The following SIMC1 variants were observed in gnomAD, a reference collection of about 807,000 sequenced individuals.
SIMC1 encodes SUMO interacting motifs containing 1.
SIMC1 carries 55 observed loss-of-function variants against 82.3 expected under a neutral mutation model. That is an observed-to-expected ratio of 0.67 (90% CI 0.54 to 0.84). The LOEUF is 0.84. Ranked by LOEUF, SIMC1 falls within the 40% of genes least tolerant of loss-of-function variation. SIMC1 has a pLI of 0.00. For synonymous variants in SIMC1, 353 were observed against 426.3 expected (o/e 0.83, Z 2.12); for missense variants, 915 against 1,107.2 (o/e 0.83, Z 2.46).
At chr5:176,272,876 G>A (rs1250232773) in intron 1 of SIMC1, among the ~76,000 whole-genome samples, 10 of 152,218 alleles carry the variant, frequency 6.6e-5, no homozygotes, top group South Asian at 2.1e-4. Context: ...AGGTGCCAGC[G>A]AGGCTTGGGG....
At chr5:176,304,932 A>G in intron 4 of SIMC1, among the ~76,000 whole-genome samples, 1 of 118,784 alleles carries the variant, frequency 8.4e-6, no homozygotes, top group Non-Finnish European at 1.8e-5. Context: ...CTGAGAAGTG[A>G]GGAGACCCTC....
chr5:176,282,647 G>A (rs576161611), intron 1 of SIMC1, among the ~76,000 whole-genome samples: 67 of 152,292 alleles, frequency 4.4e-4, no homozygotes, highest in African/African-American at 1.4e-3. Flanking sequence ...GCAGCTCCTC[G>A]CCAGCAACAG....
chr5:176,282,798 A>C (rs997655258), intron 1 of SIMC1, among the ~76,000 whole-genome samples: 5 of 152,256 alleles, frequency 3.3e-5, no homozygotes, highest in Non-Finnish European at 7.3e-5. Flanking sequence ...CGAATGGCTA[A>C]CTACAATAAC....
chr5:176,292,837 G>C (rs968243867), intron 2 of SIMC1, among the ~76,000 whole-genome samples: 2 of 152,092 alleles, frequency 1.3e-5, no homozygotes, highest in African/African-American at 4.8e-5. Context: ...CACCGCGCCC[G>C]GCCCAGACAG....
At chr5:176,261,903 A>G (rs1377968800) in intron 1 of SIMC1, among the ~76,000 whole-genome samples, 3 of 152,226 alleles carry the variant, frequency 2.0e-5, no homozygotes, top group African/African-American at 7.2e-5. Flanking sequence ...ATATTTAAGG[A>G]AGAAATGATA....
At chr5:176,266,053 G>C (rs559781448) in intron 1 of SIMC1, among the ~76,000 whole-genome samples, 1 of 152,300 alleles carries the variant, frequency 6.6e-6, no homozygotes, top group South Asian at 2.1e-4. Context: ...GAGCAATGCA[G>C]TTGGATTCTA....
chr5:176,244,461 A>AT (rs755184563), intron 1 of SIMC1, among the ~76,000 whole-genome samples: 14 of 150,434 alleles, frequency 9.3e-5, no homozygotes, highest in Non-Finnish European at 1.8e-4. Context: ...TAGTGAAGTC[A>AT]TTGACCTGGA....
chr5:176,328,136 A>G (rs1337380426), intron 7 of SIMC1, among the ~76,000 whole-genome samples: 1 of 152,206 alleles, frequency 6.6e-6, no homozygotes, highest in Non-Finnish European at 1.5e-5. Flanking sequence ...TCCTGACCTC[A>G]GATGATCTGC....
intron 9 of SIMC1, among the ~76,000 whole-genome samples, chr5:176,341,865 C>A (rs141153954): frequency 6.6e-5 from 10 of 152,258 alleles, no homozygotes; most frequent in African/African-American, 1.7e-4. Context: ...ATGGCTCAAA[C>A]CCTTTTCAAT....
In SIMC1 at chr5:176,246,655, G is replaced by A. The variant is rs577798306; in HGVS notation, c.129+8018G>A. ...CTTTAAGTTCTGGGATACATGTGCA[G>A]AACGTGCAGGTTTGTTACATAGGTA... On this transcript the variant is annotated intron_variant, in intron 1 of 9. Transcript: ENST00000429602. 2.0e-5 allele frequency among the ~76,000 whole-genome samples: 3 copies of A among 151,984 alleles called. No individual in the cohort carries two copies. In the South Asian group the frequency reaches 6.2e-4, roughly 32 times the overall value.
At chr5:176,280,911 G>A (rs1447230964) in intron 1 of SIMC1, among the ~76,000 whole-genome samples, 2 of 151,942 alleles carry the variant, frequency 1.3e-5, no homozygotes, top group Non-Finnish European at 2.9e-5. Context: ...TATGTGTCTT[G>A]GAATTGCTCT....
chr5:176,276,573 A>G (rs911301701), intron 1 of SIMC1, among the ~76,000 whole-genome samples: 3 of 145,220 alleles, frequency 2.1e-5, no homozygotes, highest in Admixed American at 6.9e-5. Context: ...CATTAGGTAT[A>G]TCTCCCAATG....
chr5:176,270,715 GC>G (rs1468462027), intron 1 of SIMC1, among the ~76,000 whole-genome samples: 2 of 152,194 alleles, frequency 1.3e-5, no homozygotes, highest in Admixed American at 6.5e-5. Context: ...ACTCACTGCA[GC>G]CCTGTCACAG....
At chr5:176,330,181 A>G (rs1179978492) in intron 7 of SIMC1, among the ~76,000 whole-genome samples, 1 of 152,118 alleles carries the variant, frequency 6.6e-6, no homozygotes, top group East Asian at 1.9e-4. Context: ...TGGGCAGGTC[A>G]CTTGAGGTCA....
rs57262987 is a variant in SIMC1, at chr5:176,246,407, GGTGTGTGTGT to G, written c.129+7803_129+7812del. ...CAATCAGCTTGTATAATAGTTCAGG[GGTGTGTGTGT>G]GTGTGTGTGTGTGTGTGTGTGTGTG... is the stretch of plus-strand genomic sequence containing the variant. On this transcript the variant is annotated intron_variant, in intron 1 of 9. Coordinates refer to ENST00000429602, the MANE Select transcript of SIMC1 (RefSeq NM_001308195.2). 7.6e-3 allele frequency among the ~76,000 whole-genome samples: 1,038 copies of G among 137,048 alleles called. 8 individuals are homozygous for G. Among genetic ancestry groups the G allele is most frequent in the African/African-American group, 0.026 (954 of 36,748 alleles). 89.9% of individuals were successfully genotyped at this position (137,048 alleles called of 152,430 possible).
At chr5:176,343,124 C>T (rs937137397) in intron 9 of SIMC1, among the ~76,000 whole-genome samples, 1 of 152,168 alleles carries the variant, frequency 6.6e-6, no homozygotes, top group African/African-American at 2.4e-5. Context: ...TTTTGCTTTT[C>T]CATCATTTTA....
At position 176,295,012 on chromosome 5, in the gene SIMC1, T is replaced by C. The variant is rs770230817; in HGVS notation, c.1432-18T>C. The C allele has an allele frequency of 6.3e-7, 1 of 1,591,800 alleles. No homozygotes were observed. The highest frequency in any genetic ancestry group is 8.5e-7 in the Non-Finnish European group (1 of 1,173,966). Reference sequence around the variant, plus strand: ...GAAAAGAAATCCCTCCTAATTTCCTTCTTTTTAATCTCTACAGAACAAGGG... The same window carrying C: ...GAAAAGAAATCCCTCCTAATTTCCTCCTTTTTAATCTCTACAGAACAAGGG... On this transcript the variant is annotated intron_variant, in intron 2 of 9. Coordinates refer to ENST00000429602, the MANE Select transcript of SIMC1 (RefSeq NM_001308195.2).
intron 1 of SIMC1, among the ~76,000 whole-genome samples, chr5:176,264,823 T>C (rs1762136473): frequency 1.3e-5 from 2 of 152,128 alleles, no homozygotes; most frequent in African/African-American, 4.8e-5. Flanking sequence ...TATTTGCTTT[T>C]ACTGCTCCTA....
chr5:176,248,846 T>G (rs1761544926), intron 1 of SIMC1, among the ~76,000 whole-genome samples: 1 of 152,188 alleles, frequency 6.6e-6, no homozygotes, highest in South Asian at 2.1e-4. Context: ...AGGCCTTTTC[T>G]GCATCTATTG....
Sources: allele counts gnomAD v4.1 joint callset (sites outside exome capture counted in the v4.1 genomes callset), GRCh38; gene constraint gnomAD v4.1.1; transcripts MANE v1.5; gene names NCBI Gene and HGNC (gene_info 2026-07-23, HGNC 2026-07-21).